MYPN: variants seen among roughly 807,000 people sequenced by gnomAD.
MYPN encodes the protein sarcomeric protein myopalladin, 145 kDa (MYOP).
Under a neutral mutation model 129.4 loss-of-function variants are expected in MYPN, and 63 were observed. The ratio of observed to expected loss-of-function variants is 0.49; its 90% CI spans 0.40 to 0.60. MYPN has a LOEUF of 0.60. MYPN is among the 20% of genes least tolerant of loss of function. MYPN has a pLI of 0.00. For synonymous variants in MYPN, 629 were observed against 600.9 expected (o/e 1.05, Z -0.68); for missense variants, 1,596 against 1,635.4 (o/e 0.98, Z 0.42).
chr10:68,143,110 T>C lies in MYPN; in HGVS notation c.1073T>C (p.Ile358Thr), dbSNP rs973179251. The C allele has an allele frequency of 3.1e-6, 5 of 1,613,922 alleles. No individual in the cohort carries two copies. The highest frequency in any genetic ancestry group is 3.4e-6 in the Non-Finnish European group (4 of 1,179,888). The change falls in exon 3 of 20, where the codon ATA (isoleucine) becomes ACA (threonine). Residue 358 changes from isoleucine to threonine, a missense_variant. Transcript: ENST00000358913. ...GTDSTSAEIY[I>T]EGVSSSDSEG... ...GATTCGACTTCTGCTGAGATTTATATAGAAGGTAAAACAAAATGCTCTTGG... is the reference window on the plus strand; with the variant it reads ...GATTCGACTTCTGCTGAGATTTATACAGAAGGTAAAACAAAATGCTCTTGG...
intron 2 of MYPN, among the ~76,000 whole-genome samples, chr10:68,130,213 A>G (rs2042387992): frequency 6.6e-6 from 1 of 152,112 alleles, no homozygotes; most frequent in Non-Finnish European, 1.5e-5. Flanking sequence ...TAATCCCAGC[A>G]CTTTGGGAGG....
At chr10:68,159,789 T>C (rs1426906191) in intron 7 of MYPN, among the ~76,000 whole-genome samples, 2 of 152,350 alleles carry the variant, frequency 1.3e-5, no homozygotes, top group Admixed American at 1.3e-4. Flanking sequence ...CCTTTTGCAT[T>C]TCTGTATTTT....
At chr10:68,136,016 A>G (rs2134040902) in intron 2 of MYPN, among the ~76,000 whole-genome samples, 1 of 152,332 alleles carries the variant, frequency 6.6e-6, no homozygotes, top group Admixed American at 6.5e-5. Flanking sequence ...AACAAGCGTT[A>G]TTACTGGTGA....
In MYPN at chr10:68,210,399, A is replaced by T; in HGVS notation, c.3907A>T (p.Ser1303Cys). The change falls in exon 20 of 20, where the codon AGC (serine) becomes TGC (cysteine). Residue 1303 changes from serine to cysteine, a missense_variant. Physicochemically the swap from Ser to Cys is moderately radical, Grantham distance 112. Coordinates refer to ENST00000358913, the MANE Select transcript of MYPN (RefSeq NM_032578.4). ...ATTTTCTGCCTTTTCCTCCATGGAAAGCACGATGGTGTATTCATGCTCTTC... is the reference window on the plus strand; with the variant it reads ...ATTTTCTGCCTTTTCCTCCATGGAATGCACGATGGTGTATTCATGCTCTTC... ...DIFSAFSSME[S>C]TMVYSCSSRS... 6.2e-7 allele frequency: 1 copy of T among 1,614,186 alleles called. No individual in the cohort carries two copies. The highest frequency in any genetic ancestry group is 2.2e-5 in the East Asian group (1 of 44,890).
upstream of MYPN, among the ~76,000 whole-genome samples, chr10:68,103,345 T>TA (rs2041990987): frequency 6.6e-6 from 1 of 152,228 alleles, no homozygotes; most frequent in Non-Finnish European, 1.5e-5. Flanking sequence ...AATAAGATGG[T>TA]AACTTCCCAG....
rs1319622418 is a variant in MYPN, at chr10:68,195,447, C to T, written c.3076-3C>T. 1.2e-6 allele frequency: 2 copies of T among 1,613,600 alleles called. No homozygotes were observed. Among genetic ancestry groups the T allele is most frequent in the East Asian group, 4.5e-5 (2 of 44,872 alleles). On this transcript the variant is annotated splice_region_variant and splice_polypyrimidine_tract_variant and intron_variant, in intron 14 of 19. Transcript: ENST00000358913. ...TTAATCTTGCTCTTTTTCTGTTTGTCAGGGGAGAATCAGCTGTTCTGGCCA... is the reference window on the plus strand; with the variant it reads ...TTAATCTTGCTCTTTTTCTGTTTGTTAGGGGAGAATCAGCTGTTCTGGCCA...
intron 1 of MYPN, among the ~76,000 whole-genome samples, chr10:68,098,205 C>A (rs1380645020): frequency 6.6e-6 from 1 of 152,142 alleles, no homozygotes; most frequent in Non-Finnish European, 1.5e-5. Flanking sequence ...GAGATTGCGC[C>A]TCTGCACTCC....
chr10:68,206,746 G>T (rs1450506527), intron 18 of MYPN, 24 bp from the exon 19 acceptor site: 1 of 1,613,970 alleles, frequency 6.2e-7, no homozygotes, highest in Non-Finnish European at 8.5e-7. Context: ...ATAAAATATA[G>T]GTATATTCTC....
intron 10 of MYPN, among the ~76,000 whole-genome samples, chr10:68,172,492 A>T (rs2043158491): frequency 6.6e-6 from 1 of 152,222 alleles, no homozygotes; most frequent in Non-Finnish European, 1.5e-5. Flanking sequence ...GACAGCCTTA[A>T]TGACTTTATG....
chr10:68,137,891 G>A (rs989376856), intron 2 of MYPN, among the ~76,000 whole-genome samples: 1 of 151,984 alleles, frequency 6.6e-6, no homozygotes, highest in African/African-American at 2.4e-5. Context: ...CATGCATTAA[G>A]CAGCTAGTTC....
chr10:68,128,899 C>T (rs918047401), intron 2 of MYPN, among the ~76,000 whole-genome samples: 31 of 151,964 alleles, frequency 2.0e-4, no homozygotes, highest in African/African-American at 7.3e-4. Flanking sequence ...ATTGAAGAAA[C>T]CAATTATGTC....
chr10:68,196,687 G>A (rs975575023), intron 15 of MYPN, among the ~76,000 whole-genome samples: 1 of 151,866 alleles, frequency 6.6e-6, no homozygotes, highest in African/African-American at 2.4e-5. Context: ...GTTTCACCAT[G>A]TTGCCCAGGC....
chr10:68,175,343 A>T lies in MYPN; in HGVS notation c.2585A>T (p.Lys862Met). ...TACAGGCCATCCCAGGGATTAGCGA[A>T]GAAAAATACAAAGTCTCCTCAACCA... ...APSMPSQGLA[K>M]KNTKSPQPVN... Residue 862 changes from lysine to methionine, a missense_variant, in exon 12 of 20, where the codon AAG becomes ATG. Physicochemically the swap from Lys to Met is moderately conservative, Grantham distance 95 (BLOSUM62 -1). Coordinates refer to ENST00000358913, the MANE Select transcript of MYPN (RefSeq NM_032578.4). 6.2e-7 allele frequency: 1 copy of T among 1,614,070 alleles called. No homozygotes were observed. The highest frequency in any genetic ancestry group is 1.3e-5 in the African/African-American group (1 of 75,036).
intron 2 of MYPN, among the ~76,000 whole-genome samples, chr10:68,130,203 T>C (rs991690369): frequency 6.6e-6 from 1 of 152,228 alleles, no homozygotes; most frequent in Non-Finnish European, 1.5e-5. Flanking sequence ...CTCACGCCTG[T>C]AATCCCAGCA....
At chr10:68,122,385 C>G (rs376383475) in intron 2 of MYPN, 45 bp downstream of exon 2, 50 of 1,585,128 alleles carry the variant, frequency 3.2e-5, no homozygotes, top group Non-Finnish European at 1.7e-5. Context: ...TGCTTTCCAT[C>G]TACCATGACC....
chr10:68,136,841 G>C (rs1193467103), intron 2 of MYPN: 2 of 1,194,296 alleles, frequency 1.7e-6, no homozygotes, highest in African/African-American at 3.1e-5. Context: ...CAAGTTAATA[G>C]AGTTACATTG....
chr10:68,188,926 G>A lies in MYPN; in HGVS notation c.2725G>A (p.Glu909Lys), dbSNP rs1371494498. The A allele has an allele frequency of 2.9e-5, 46 of 1,613,830 alleles. 1 individual carries two copies. The Admixed American group carries it at 7.7e-4, about 27-fold the overall frequency. The change falls in exon 13 of 20, where the codon GAG (glutamate) becomes AAG (lysine). Residue 909 changes from glutamate (E) to lysine (K), a missense_variant. Physicochemically the swap from Glu to Lys is moderately conservative, Grantham distance 56. Coordinates refer to ENST00000358913, the MANE Select transcript of MYPN (RefSeq NM_032578.4). The part of the protein sequence containing the change: ...NQQEYKISSF[E>K]QRLMNEIEFR... ...ACAGGAGTACAAAATTTCAAGCTTT[G>A]AGCAGAGGCTGATGAATGAAATAGA...
At chr10:68,179,729 C>T (rs1273174949) in intron 12 of MYPN, among the ~76,000 whole-genome samples, 1 of 151,146 alleles carries the variant, frequency 6.6e-6, no homozygotes, top group East Asian at 2.0e-4. Context: ...GGTGCGATCT[C>T]CACTCATTGC....
rs148034353 is a variant in MYPN at position 68,122,220 on chromosome 10, A to G, written c.782A>G (p.Tyr261Cys). Residue 261 changes from tyrosine (Y) to cysteine (C), a missense_variant, in exon 2 of 20, where the codon TAT becomes TGT. Physicochemically the swap from Tyr to Cys is radical, Grantham distance 194. Transcript: ENST00000358913. ...GGGTCTTCCCCTTCATCTCTGTACT[A>G]TGAAGAACCTCTGGGGCAACCTCCC... Reference protein sequence around the residue: ...TPGSSPSSLYYEEPLGQPPRF... With the variant: ...TPGSSPSSLYCEEPLGQPPRF... 1.2e-4 allele frequency: 193 copies of G among 1,611,534 alleles called. No homozygotes were observed. Among genetic ancestry groups the G allele is most frequent in the Non-Finnish European group, 1.6e-4 (184 of 1,178,910 alleles).
Sources: allele counts gnomAD v4.1 joint callset (sites outside exome capture counted in the v4.1 genomes callset), GRCh38; gene constraint gnomAD v4.1.1; transcripts MANE v1.5; gene names NCBI Gene and HGNC (gene_info 2026-07-23, HGNC 2026-07-21).